AGBL3: variants seen among roughly 807,000 people sequenced by gnomAD.
AGBL3 encodes cytosolic carboxypeptidase 3.
In AGBL3, 68 loss-of-function variants were observed where a neutral mutation model predicts 94.5. The observed-to-expected ratio is 0.72, with a 90% CI of 0.59 to 0.88. AGBL3 has a LOEUF of 0.88. AGBL3 is among the 40% of genes least tolerant of loss of function. The pLI is 0.00. For missense variants in AGBL3, 934 were observed against 1,103.8 expected (o/e 0.85, Z 2.18); for synonymous variants, 354 against 370.7 (o/e 0.95, Z 0.52).
intron 12 of AGBL3, among the ~76,000 whole-genome samples, chr7:135,067,096 G>A (rs1439269947): frequency 1.3e-5 from 2 of 152,148 alleles, no homozygotes; most frequent in Non-Finnish European, 2.9e-5. Flanking sequence ...TATATCCTGC[G>A]CCTGGCTCAG....
At chr7:135,119,659 C>T (rs112279849) in intron 16 of AGBL3, among the ~76,000 whole-genome samples, 13 of 152,056 alleles carry the variant, frequency 8.5e-5, no homozygotes, top group African/African-American at 2.9e-4. Context: ...GGGCAGATCA[C>T]GAGTTCAGGA....
chr7:135,115,643 A>G (rs1462646832), intron 16 of AGBL3, 32 bp downstream of exon 16: 22 of 1,428,432 alleles, frequency 1.5e-5, no homozygotes, highest in Non-Finnish European at 2.0e-5. Context: ...ACTCTTATCT[A>G]TTTAACACAT....
intron 16 of AGBL3, among the ~76,000 whole-genome samples, chr7:135,133,067 GCACACACACACACA>G (rs55861736): frequency 7.3e-5 from 11 of 150,320 alleles, no homozygotes; most frequent in South Asian, 4.2e-4. Flanking sequence ...ACGCATGCGT[GCACACACACACACA>G]CACACACACA....
At chr7:135,082,534 A>G (rs546868164) in intron 15 of AGBL3, among the ~76,000 whole-genome samples, 72 of 151,142 alleles carry the variant, frequency 4.8e-4, no homozygotes, top group Non-Finnish European at 8.9e-4. Context: ...TTGCTCCTTT[A>G]TAGATACTAG....
In AGBL3 at chr7:135,037,421, G is replaced by T; in HGVS notation, c.1341G>T (p.Leu447=). 1 of 1,541,504 alleles carries T rather than the reference G, an allele frequency of 6.5e-7. No individual in the cohort carries two copies. The highest frequency in any genetic ancestry group is 8.7e-7 in the Non-Finnish European group (1 of 1,143,528). The change falls in exon 8 of 17, where the codon CTG becomes CTT. Residue 447 remains leucine (L), a synonymous_variant. Transcript: ENST00000436302. Reference sequence around the variant, plus strand: ...AACTTATCTTTCTTCCTGGCAGACTGATGGAGAAACGAGAGGTTATTTTAT... The same window carrying T: ...AACTTATCTTTCTTCCTGGCAGACTTATGGAGAAACGAGAGGTTATTTTAT... ...VWYTRNMVHR[L]MEKREVILYC...
chr7:135,115,435 G>A lies in AGBL3; in HGVS notation c.2166G>A (p.Lys722=). ...AAGAATGCATATCTTTCCAAAGCAA[G>A]AAGACTGGCATAAATTGGACAGATG... is the stretch of plus-strand genomic sequence containing the variant. ...KIKECISFQS[K]KTGINWTDDE... The change falls in exon 16 of 17, where the codon AAG becomes AAA. Residue 722 remains lysine (K), a synonymous_variant. Coordinates refer to ENST00000436302, the MANE Select transcript of AGBL3 (RefSeq NM_178563.4). 1 of 1,551,370 alleles carries A rather than the reference G, an allele frequency of 6.4e-7. No individual in the cohort carries two copies. Among genetic ancestry groups the A allele is most frequent in the South Asian group, 1.2e-5 (1 of 84,046 alleles).
intron 7 of AGBL3, 45 bp downstream of exon 7, chr7:135,034,973 G>A: frequency 7.0e-7 from 1 of 1,422,580 alleles, no homozygotes; most frequent in African/African-American, 1.4e-5. Flanking sequence ...TAGTAAACTT[G>A]GTAGTAACAA....
rs1809679986 is a variant in AGBL3, at chr7:134,987,951, A to G, written c.18A>G (p.Glu6=). 6.5e-7 allele frequency: 1 copy of G among 1,548,872 alleles called. No homozygotes were observed. Among genetic ancestry groups the G allele is most frequent in the African/African-American group, 1.4e-5 (1 of 72,974 alleles). The part of the protein sequence containing the change: MSEDS[E]KEDYSDRTIS... ...TGGAAAAGATGTCAGAAGATTCAGA[A>G]AAGGAAGACTATTCAGACAGAACAA... is the stretch of plus-strand genomic sequence containing the variant. The change falls in exon 2 of 17, where the codon GAA becomes GAG. Residue 6 remains glutamate (E), a synonymous_variant. Transcript: ENST00000436302.
intron 2 of AGBL3, chr7:134,988,340 G>T: frequency 4.8e-6 from 1 of 208,040 alleles, no homozygotes; most frequent in East Asian, 1.5e-4. Flanking sequence ...GTGTTACATC[G>T]TAGTATGAAT....
At position 135,082,115 on chromosome 7, in the gene AGBL3, T is replaced by C. The variant is rs577960676; in HGVS notation, c.2110+325T>C. ...AGTACTTTACTAAATTGCAATATAA[T>C]TCATTCCATTGCTAAAGAGCTGTAG... On this transcript the variant is annotated intron_variant, in intron 15 of 16. Transcript: ENST00000436302. Among the ~76,000 whole-genome samples the C allele has an allele frequency of 3.9e-5, 6 of 152,292 alleles. No individual in the cohort carries two copies. In the East Asian group the frequency reaches 1.2e-3, roughly 29 times the overall value.
intron 8 of AGBL3, among the ~76,000 whole-genome samples, chr7:135,038,332 G>A (rs914395483): frequency 6.6e-5 from 10 of 152,166 alleles, no homozygotes; most frequent in African/African-American, 1.9e-4. Flanking sequence ...AGGTTTGTTC[G>A]CCAAAGAGGA....
intron 4 of AGBL3, among the ~76,000 whole-genome samples, chr7:135,000,192 A>C (rs1811537926): frequency 6.6e-6 from 1 of 152,188 alleles, no homozygotes; most frequent in Admixed American, 6.5e-5. Context: ...TTCAGCTTTC[A>C]CGGTTATATG....
At chr7:135,094,889 G>GC in intron 15 of AGBL3, among the ~76,000 whole-genome samples, 1 of 152,294 alleles carries the variant, frequency 6.6e-6, no homozygotes, top group Non-Finnish European at 1.5e-5. Context: ...ATTTGCAACA[G>GC]CTGGCAAGGA....
chr7:134,994,006 G>A (rs548269817), intron 4 of AGBL3, among the ~76,000 whole-genome samples: 24 of 152,298 alleles, frequency 1.6e-4, no homozygotes, highest in African/African-American at 5.5e-4. Context: ...GTGTTCAGTA[G>A]CCACATGGGC....
intron 12 of AGBL3, among the ~76,000 whole-genome samples, chr7:135,066,659 G>C (rs1257035944): frequency 6.6e-6 from 1 of 152,182 alleles, no homozygotes; most frequent in Non-Finnish European, 1.5e-5. Context: ...AGAGATATTA[G>C]CATTCCCATG....
At chr7:135,048,186 C>CT in intron 11 of AGBL3, among the ~76,000 whole-genome samples, 1 of 151,692 alleles carries the variant, frequency 6.6e-6, no homozygotes, top group Non-Finnish European at 1.5e-5. Context: ...ATTTTGGGGC[C>CT]CTGTATTCTA....
chr7:135,031,617 G>A (rs1563199971), intron 5 of AGBL3, among the ~76,000 whole-genome samples: 3 of 152,130 alleles, frequency 2.0e-5, no homozygotes. Context: ...TAAATTGCTG[G>A]CAGATCATTT....
In AGBL3 at chr7:135,044,153, T is replaced by TC. The variant is rs1817129421; in HGVS notation, c.1627+2_1627+3insC. The TC allele has an allele frequency of 2.6e-6, 4 of 1,548,266 alleles. No homozygotes were observed. Among genetic ancestry groups the TC allele is most frequent in the Non-Finnish European group, 3.5e-6 (4 of 1,144,984 alleles). The stretch of plus-strand genomic sequence containing the variant: ...CCACCTTCTGTGGATCTACTCTGGG[T>TC]AAGACCAAGGGTTCTCATTCACAGC... On this transcript the variant is annotated splice_region_variant and intron_variant, in intron 9 of 16. Coordinates refer to ENST00000436302, the MANE Select transcript of AGBL3 (RefSeq NM_178563.4).
intron 11 of AGBL3, 52 bp from the exon 12 acceptor site, chr7:135,059,117 A>C: frequency 4.4e-6 from 6 of 1,360,020 alleles, no homozygotes; most frequent in Non-Finnish European, 6.1e-6. Context: ...AACAGTTGAA[A>C]TTTTAAGATG....
Sources: gnomAD v4.1 joint callset for allele counts (sites outside exome capture counted in the v4.1 genomes callset) on GRCh38, gnomAD v4.1.1 for gene constraint, MANE v1.5 for transcripts, NCBI Gene and HGNC (gene_info 2026-07-23, HGNC 2026-07-21) for gene names.